PCNX2: variants seen among roughly 807,000 people sequenced by gnomAD.
The protein encoded by PCNX2 is pecanex-like protein 2.
Under a neutral mutation model 223.8 loss-of-function variants are expected in PCNX2, and 168 were observed. The ratio of observed to expected loss-of-function variants is 0.75; its 90% confidence interval spans 0.66 to 0.85. The LOEUF (loss-of-function observed/expected upper bound fraction) is 0.85. Ranked by LOEUF, PCNX2 falls within the 40% of genes least tolerant of loss-of-function variation. PCNX2 has a pLI of 0.00. For missense variants in PCNX2, 2,507 were observed against 2,675.5 expected (o/e 0.94, Z 1.39); for synonymous variants, 1,006 against 1,052.6 (o/e 0.96, Z 0.86).
At chr1:233,101,651 T>C (rs932549886) in intron 21 of PCNX2, among the ~76,000 whole-genome samples, 1 of 151,964 alleles carries the variant, frequency 6.6e-6, no homozygotes, top group Non-Finnish European at 1.5e-5. Flanking sequence ...AATAGTTAAC[T>C]CAAAAAAGGG....
the PCNX2 span, among the ~76,000 whole-genome samples, chr1:233,324,106 T>C: frequency 3.9e-4 from 60 of 152,318 alleles, no homozygotes; most frequent in Non-Finnish European, 7.2e-4. Flanking sequence ...CAAAGCCTAA[T>C]CCAAAGCAAG....
the PCNX2 span, among the ~76,000 whole-genome samples, chr1:233,311,640 A>C: frequency 2.0e-5 from 3 of 152,184 alleles, no homozygotes; most frequent in Admixed American, 2.0e-4. Flanking sequence ...AAGTCACCAA[A>C]ATTTGGGGGA....
intron 17 of PCNX2, among the ~76,000 whole-genome samples, chr1:233,162,196 C>G (rs1678527101): frequency 6.6e-6 from 1 of 151,880 alleles, no homozygotes; most frequent in Admixed American, 6.6e-5. Context: ...GGCCTGTTAG[C>G]TCCAATGGAG....
the PCNX2 span, among the ~76,000 whole-genome samples, chr1:233,321,396 C>G: frequency 2.0e-5 from 3 of 152,276 alleles, no homozygotes; most frequent in South Asian, 2.1e-4. Flanking sequence ...CTCCCAGGCT[C>G]AAGTGATTCT....
intron 17 of PCNX2, among the ~76,000 whole-genome samples, chr1:233,175,171 T>G (rs1444777775): frequency 1.4e-4 from 21 of 151,402 alleles, no homozygotes; most frequent in African/African-American, 4.6e-4. Context: ...GGGAGGGGGG[T>G]TTATGCTTGC....
At chr1:233,112,223 T>A (rs1417041762) in intron 21 of PCNX2, among the ~76,000 whole-genome samples, 1 of 152,204 alleles carries the variant, frequency 6.6e-6, no homozygotes, top group African/African-American at 2.4e-5. Context: ...AGAATTGAAA[T>A]CTGCAGGTTC....
chr1:233,280,617 T>G (rs1241647281), intron 1 of PCNX2, among the ~76,000 whole-genome samples: 1 of 152,140 alleles, frequency 6.6e-6, no homozygotes, highest in Admixed American at 6.6e-5. Flanking sequence ...TGATTCTTAT[T>G]TATTCCTAGA....
At chr1:233,192,683 T>C (rs758384972) in intron 15 of PCNX2, among the ~76,000 whole-genome samples, 3 of 152,092 alleles carry the variant, frequency 2.0e-5, no homozygotes, top group Non-Finnish European at 2.9e-5. Context: ...CAAGCAATTA[T>C]GAAGGTCGAA....
chr1:233,133,443 A>G (rs1241916649), intron 21 of PCNX2, among the ~76,000 whole-genome samples: 1 of 152,238 alleles, frequency 6.6e-6, no homozygotes, highest in Non-Finnish European at 1.5e-5. Context: ...GACCAAGGCC[A>G]GGGTCTACAA....
intron 24 of PCNX2, among the ~76,000 whole-genome samples, chr1:233,056,526 G>A (rs1284116505): frequency 6.6e-6 from 1 of 152,102 alleles, no homozygotes; most frequent in Non-Finnish European, 1.5e-5. Flanking sequence ...TCATTGTACT[G>A]ACATAAAGTT....
chr1:233,243,993 A>G lies in PCNX2; in HGVS notation c.2222+6746T>C, dbSNP rs144409426. Among the ~76,000 whole-genome samples the G allele has an allele frequency of 9.7e-3, 1,472 of 152,102 alleles. 20 individuals are homozygous for G. Among genetic ancestry groups the G allele is most frequent in the African/African-American group, 0.031 (1,300 of 41,482 alleles). The stretch of plus-strand genomic sequence containing the variant: ...ACTACAGGCATGTGCCACCATGCCC[A>G]GCTAATTTTTTATTTTTAGTAGAGA... On this transcript the variant is annotated intron_variant, in intron 8 of 33. Transcript: ENST00000258229.
rs75217101 is a variant in PCNX2 at position 233,229,252 on chromosome 1, A to G, written c.2359-1881T>C. Among the ~76,000 whole-genome samples the G allele has an allele frequency of 1.5e-3, 227 of 152,334 alleles. 2 individuals are homozygous for G. Among genetic ancestry groups the G allele is most frequent in the African/African-American group, 5.3e-3 (222 of 41,582 alleles). On this transcript the variant is annotated intron_variant, in intron 9 of 33. Coordinates refer to ENST00000258229, the MANE Select transcript of PCNX2 (RefSeq NM_014801.4). ...GGAGTTATTCCGGATATCAAATATT[A>G]ATGCAAAAGGCATCTGAAGGGAAAG...
chr1:233,217,231 AATG>A (rs1657011943), intron 12 of PCNX2, among the ~76,000 whole-genome samples: 1 of 152,206 alleles, frequency 6.6e-6, no homozygotes, highest in African/African-American at 2.4e-5. Flanking sequence ...CAGAAAAAAA[AATG>A]ATAACTATAT....
intron 21 of PCNX2, among the ~76,000 whole-genome samples, chr1:233,111,400 T>C (rs1675108590): frequency 6.6e-6 from 1 of 152,152 alleles, no homozygotes. Flanking sequence ...TGTTTCAAAA[T>C]TATTTATTTT....
intron 25 of PCNX2, among the ~76,000 whole-genome samples, chr1:233,046,222 A>G (rs772238340): frequency 6.6e-6 from 1 of 152,232 alleles, no homozygotes; most frequent in Non-Finnish European, 1.5e-5. Flanking sequence ...GAACAAGCCC[A>G]TCTATATTTT....
the PCNX2 span, among the ~76,000 whole-genome samples, chr1:233,323,505 C>T: frequency 6.6e-6 from 1 of 152,186 alleles, no homozygotes; most frequent in Non-Finnish European, 1.5e-5. Context: ...CCATCTTTTC[C>T]AACAGCATTT....
intron 26 of PCNX2, among the ~76,000 whole-genome samples, chr1:233,023,248 T>C (rs114506287): frequency 0.01 from 1,558 of 152,318 alleles, 17 homozygotes; most frequent in Non-Finnish European, 0.018. Flanking sequence ...GATGGCTAGT[T>C]ACCATTTATC....
In PCNX2 at chr1:233,295,252, G is replaced by A. The variant is rs1662010563; in HGVS notation, c.153+74C>T. 6.5e-7 allele frequency: 1 copy of A among 1,542,768 alleles called. No individual in the cohort carries two copies. The highest frequency in any genetic ancestry group is 2.0e-5 in the Admixed American group (1 of 50,938). Reference sequence around the variant, plus strand: ...GAACCCGAAAGCCCGTGAGGCTGATGGCACGTCTGTGGTTCCTTTCTCCTT... The same window carrying A: ...GAACCCGAAAGCCCGTGAGGCTGATAGCACGTCTGTGGTTCCTTTCTCCTT... On this transcript the variant is annotated intron_variant, in intron 1 of 33. Transcript: ENST00000258229. This position sits in a 1 kb window ranked among gnomAD's most constrained non-coding sequence, Gnocchi z 4.1.
intron 23 of PCNX2, among the ~76,000 whole-genome samples, chr1:233,082,779 C>T (rs935061355): frequency 2.0e-5 from 3 of 152,158 alleles, no homozygotes; most frequent in African/African-American, 7.2e-5. Context: ...AAAAAATAAA[C>T]TGTGAAGTTG....
Sources: gnomAD v4.1 joint callset for allele counts (sites outside exome capture counted in the v4.1 genomes callset) on GRCh38, gnomAD v4.1.1 for gene constraint, Gnocchi (gnomAD v3.1) non-coding constraint, MANE v1.5 for transcripts, NCBI Gene and HGNC (gene_info 2026-07-23, HGNC 2026-07-21) for gene names.